CNNM2: variants seen among roughly 807,000 people sequenced by gnomAD.
CNNM2 encodes the protein metal transporter CNNM2.
Under a neutral mutation model 66.9 loss-of-function variants are expected in CNNM2, and 12 were observed. The ratio of observed to expected loss-of-function variants is 0.18; its 90% CI spans 0.11 to 0.29. The LOEUF (loss-of-function observed/expected upper bound fraction) is 0.29, where lower values mean the gene tolerates loss of function less well. CNNM2 is among the 10% of genes least tolerant of loss of function. CNNM2 has a pLI of 1.00. For missense variants in CNNM2, 705 were observed against 1,167.7 expected, an observed-to-expected ratio of 0.60 and a Z score of 5.77; for synonymous variants, 557 against 501.8, an observed-to-expected ratio of 1.11 and a Z score of -1.47.
At chr10:102,989,755 T>A (rs1394133191) in intron 1 of CNNM2, among the ~76,000 whole-genome samples, 1 of 151,936 alleles carries the variant, frequency 6.6e-6, no homozygotes, top group East Asian at 1.9e-4. Context: ...TGAGCTGAGA[T>A]GGCACCACTG....
At chr10:102,974,265 G>T (rs943424742) in intron 1 of CNNM2, among the ~76,000 whole-genome samples, 1 of 152,196 alleles carries the variant, frequency 6.6e-6, no homozygotes, top group African/African-American at 2.4e-5. Flanking sequence ...AAAAACAACA[G>T]CTCTAAGATG....
In CNNM2 at chr10:103,087,139, G is replaced by GTTTTTTTTTT; in HGVS notation, c.*9959_*9960insTTTTTTTTTT. On this transcript the variant is annotated 3_prime_UTR_variant, in exon 8 of 8. Coordinates refer to ENST00000369878, the MANE Select transcript of CNNM2 (RefSeq NM_017649.5). ...CTTCTCACGGTATAAAACTCCGCAGGATTTTTTTTTTTTTTTTTTTTTTTT... is the reference window on the plus strand; with the variant it reads ...CTTCTCACGGTATAAAACTCCGCAGGTTTTTTTTTTATTTTTTTTTTTTTTTTTTTTTTTT... 2.1e-5 allele frequency: 1 copy of GTTTTTTTTTT among 48,018 alleles called. No individual in the cohort carries two copies. Among genetic ancestry groups the GTTTTTTTTTT allele is most frequent in the Admixed American group, 3.3e-4 (1 of 3,076 alleles). The allele number at this position is 48,018 out of a possible 1,614,324, so 3.0% of individuals were successfully genotyped here. A position where few individuals can be genotyped will look rare whatever the true frequency, so the allele number is the denominator to read the frequency against.
At chr10:102,993,275 A>T (rs1205082206) in intron 1 of CNNM2, among the ~76,000 whole-genome samples, 1 of 152,194 alleles carries the variant, frequency 6.6e-6, no homozygotes, top group African/African-American at 2.4e-5. Flanking sequence ...GTCAGAGTAG[A>T]TTATTGATCT....
At chr10:102,955,344 G>C (rs1223413190) in intron 1 of CNNM2, among the ~76,000 whole-genome samples, 1 of 152,064 alleles carries the variant, frequency 6.6e-6, no homozygotes, top group Non-Finnish European at 1.5e-5. Flanking sequence ...GCTGAAACTG[G>C]ATCCCTTACA....
intron 1 of CNNM2, among the ~76,000 whole-genome samples, chr10:102,923,102 G>A (rs949583818): frequency 2.0e-5 from 3 of 152,002 alleles, no homozygotes; most frequent in African/African-American, 7.2e-5. Context: ...CTTTATATTA[G>A]TATATGTGAA....
intron 1 of CNNM2, among the ~76,000 whole-genome samples, chr10:103,044,522 C>T (rs1246200925): frequency 6.6e-6 from 1 of 151,456 alleles, no homozygotes; most frequent in African/African-American, 2.4e-5. Flanking sequence ...TGCCACTGCA[C>T]TCCAGCCAGG....
intron 1 of CNNM2, among the ~76,000 whole-genome samples, chr10:102,980,186 G>T (rs1307182962): frequency 6.6e-6 from 1 of 152,080 alleles, no homozygotes; most frequent in African/African-American, 2.4e-5. Flanking sequence ...CAAGTGATCT[G>T]CCCACCTCGG....
At chr10:102,964,705 T>C (rs1280939075) in intron 1 of CNNM2, among the ~76,000 whole-genome samples, 2 of 152,158 alleles carry the variant, frequency 1.3e-5, no homozygotes, top group East Asian at 3.8e-4. Flanking sequence ...TGGTAAGTTT[T>C]ACTTTGTCTT....
In CNNM2 at chr10:102,935,158, CAAAAA is replaced by C. The variant is rs71753183; in HGVS notation, c.1621+15077_1621+15081del. 1.2e-5 allele frequency among the ~76,000 whole-genome samples: 1 copy of C among 82,496 alleles called. No homozygotes were observed. The highest frequency in any genetic ancestry group is 4.9e-5 in the African/African-American group (1 of 20,540). 54.1% of individuals were successfully genotyped at this position (82,496 alleles called of 152,430 possible). A position where few individuals can be genotyped will look rare whatever the true frequency, so the allele number is the denominator to read the frequency against. ...TGGGCGACAGAGCGAGACTCCATCT[CAAAAA>C]AAAAAAAAAAAAAAAAAAAGACTTT... On this transcript the variant is annotated intron_variant, in intron 1 of 7. Transcript: ENST00000369878.
At chr10:103,062,203 CTT>C (rs1233992571) in intron 4 of CNNM2, among the ~76,000 whole-genome samples, 1 of 152,228 alleles carries the variant, frequency 6.6e-6, no homozygotes, top group Non-Finnish European at 1.5e-5. Flanking sequence ...CATCCACACT[CTT>C]TTTTAGAGCA....
intron 1 of CNNM2, chr10:102,921,179 G>A (rs895153747): frequency 3.9e-5 from 14 of 362,780 alleles, no homozygotes; most frequent in Non-Finnish European, 5.0e-5. Context: ...AGTGTTATTT[G>A]AAAACCAAGG....
At position 102,992,273 on chromosome 10, in the gene CNNM2, C is replaced by CTTTTT. The variant is rs35281835; in HGVS notation, c.1622-57420_1622-57416dup. On this transcript the variant is annotated intron_variant, in intron 1 of 7. Coordinates refer to ENST00000369878, the MANE Select transcript of CNNM2 (RefSeq NM_017649.5). ...TTTACTGGGAGCAAGCTCCAAGTTC[C>CTTTTT]TTTTTTTTTTTTTTTTTTGAGATGC... Among the ~76,000 whole-genome samples the CTTTTT allele has an allele frequency of 7.9e-4, 86 of 108,484 alleles. 1 individual carries two copies. The highest frequency in any genetic ancestry group is 3.5e-3 in the South Asian group (10 of 2,880). 71.2% of individuals were successfully genotyped at this position (108,484 alleles called of 152,430 possible). A position where few individuals can be genotyped will look rare whatever the true frequency, so the allele number is the denominator to read the frequency against.
At chr10:102,974,784 G>A (rs1251894503) in intron 1 of CNNM2, among the ~76,000 whole-genome samples, 1 of 152,032 alleles carries the variant, frequency 6.6e-6, no homozygotes, top group Non-Finnish European at 1.5e-5. Context: ...CAGTCCTCCC[G>A]CCTTGGCCTC....
At chr10:102,987,284 A>G (rs1290886344) in intron 1 of CNNM2, among the ~76,000 whole-genome samples, 2 of 152,150 alleles carry the variant, frequency 1.3e-5, no homozygotes, top group Non-Finnish European at 2.9e-5. Flanking sequence ...ACTTACATAT[A>G]TATATATGAA....
chr10:103,028,273 G>A (rs1219066170), intron 1 of CNNM2, among the ~76,000 whole-genome samples: 3 of 152,114 alleles, frequency 2.0e-5, no homozygotes, highest in Non-Finnish European at 4.4e-5. Context: ...GAGTTCTTTT[G>A]GCCATTCATT....
intron 1 of CNNM2, among the ~76,000 whole-genome samples, chr10:103,018,474 CA>C (rs2064499528): frequency 6.6e-6 from 1 of 151,950 alleles, no homozygotes; most frequent in South Asian, 2.1e-4. Context: ...AGATCACCAG[CA>C]GATAGATAAT....
chr10:102,951,177 A>G (rs1846816780), intron 1 of CNNM2, among the ~76,000 whole-genome samples: 1 of 151,020 alleles, frequency 6.6e-6, no homozygotes, highest in Non-Finnish European at 1.5e-5. Context: ...TTTAGTAGAG[A>G]CAGAGTTTTA....
chr10:102,938,452 G>GA (rs1462798216), intron 1 of CNNM2, among the ~76,000 whole-genome samples: 60 of 140,884 alleles, frequency 4.3e-4, no homozygotes, highest in East Asian at 1.0e-3. Flanking sequence ...TCAAAAAATG[G>GA]AAAAAAAAAA....
rs191483256 is a variant in CNNM2, at chr10:102,957,113, C to T, written c.1621+37012C>T. Among the ~76,000 whole-genome samples, 6 of 151,920 alleles carry T rather than the reference C, an allele frequency of 3.9e-5. No homozygotes were observed. In the East Asian group the frequency reaches 1.2e-3, roughly 29 times the overall value. The stretch of plus-strand genomic sequence containing the variant: ...GGTCAGGAGTTCGAAACCAGCCTGG[C>T]CAACATGGTGAAACCCCGTCTCTAC... On this transcript the variant is annotated intron_variant, in intron 1 of 7. Coordinates refer to ENST00000369878, the MANE Select transcript of CNNM2 (RefSeq NM_017649.5).
Sources: allele counts gnomAD v4.1 joint callset (sites outside exome capture counted in the v4.1 genomes callset), GRCh38; gene constraint gnomAD v4.1.1; transcripts MANE v1.5; gene names NCBI Gene and HGNC (gene_info 2026-07-23, HGNC 2026-07-21).